RGS22: variants seen among roughly 807,000 people sequenced by gnomAD.
The protein encoded by RGS22 is regulator of G protein signaling 22, also known as regulator of G-protein signaling 22.
In RGS22, 148 loss-of-function variants were observed where a neutral mutation model predicts 172.9. That is an observed-to-expected ratio of 0.86 (90% CI 0.75 to 0.98). The LOEUF is 0.98. Among genes scored for constraint, RGS22 ranks in the 50% least tolerant of loss-of-function variants. The pLI is 0.00. For missense variants in RGS22, 1,347 were observed against 1,440.8 expected (o/e 0.93, Z 1.05); for synonymous variants, 458 against 480.2 (o/e 0.95, Z 0.60).
intron 14 of RGS22, among the ~76,000 whole-genome samples, chr8:100,032,495 A>T (rs1220696505): frequency 4.6e-5 from 7 of 152,182 alleles, no homozygotes; most frequent in Non-Finnish European, 1.0e-4. Context: ...CACCCAATAC[A>T]GGAGCACCCA....
At chr8:100,018,847 C>A (rs1249833202) in intron 14 of RGS22, among the ~76,000 whole-genome samples, 2 of 152,180 alleles carry the variant, frequency 1.3e-5, no homozygotes, top group African/African-American at 4.8e-5. Flanking sequence ...ATCCCCATCT[C>A]CTTTCAAATG....
intron 22 of RGS22, among the ~76,000 whole-genome samples, chr8:99,979,633 G>C (rs1345037111): frequency 6.6e-6 from 1 of 152,136 alleles, no homozygotes; most frequent in Non-Finnish European, 1.5e-5. Context: ...CTGATACAAT[G>C]CTAAAACTGT....
intron 10 of RGS22, among the ~76,000 whole-genome samples, chr8:100,049,862 C>T (rs1453303320): frequency 6.6e-6 from 1 of 151,988 alleles, no homozygotes; most frequent in Non-Finnish European, 1.5e-5. Context: ...GCCTGGCCAA[C>T]ATGGTGAAAT....
At chr8:100,012,666 T>A (rs1403361189) in intron 14 of RGS22, among the ~76,000 whole-genome samples, 1 of 152,080 alleles carries the variant, frequency 6.6e-6, no homozygotes, top group Admixed American at 6.6e-5. Context: ...ACTAAAATAA[T>A]GTCTTAGGTA....
intron 9 of RGS22, among the ~76,000 whole-genome samples, chr8:100,055,834 T>C (rs1366072323): frequency 6.6e-6 from 1 of 152,230 alleles, no homozygotes; most frequent in Non-Finnish European, 1.5e-5. Flanking sequence ...CTTTGCTTTA[T>C]ATATTACCCA....
intron 23 of RGS22, among the ~76,000 whole-genome samples, chr8:99,977,270 A>ATTTCTTTTTTTTTTTTTT (rs1428079850): frequency 1.7e-5 from 2 of 120,388 alleles, no homozygotes; most frequent in Non-Finnish European, 3.4e-5. Flanking sequence ...CGCCCGGTTA[A>ATTTCTTTTTTTTTTTTTT]TTTTTTTTTT....
intron 2 of RGS22, among the ~76,000 whole-genome samples, chr8:100,103,343 T>C (rs1382292026): frequency 8.5e-5 from 13 of 152,092 alleles, no homozygotes; most frequent in African/African-American, 3.1e-4. Context: ...ACAGTAGTTG[T>C]GTGGATGGAG....
intron 20 of RGS22, among the ~76,000 whole-genome samples, chr8:99,989,898 A>AGATAGATG (rs1813521585): frequency 6.6e-6 from 1 of 151,288 alleles, no homozygotes; most frequent in African/African-American, 2.4e-5. Flanking sequence ...ATAGATAGAT[A>AGATAGATG]GATAGATATA....
rs557842189 is a variant in RGS22, at chr8:100,053,106, C to T, written c.1515-130G>A. On this transcript the variant is annotated intron_variant, in intron 9 of 27. Coordinates refer to ENST00000360863, the MANE Select transcript of RGS22 (RefSeq NM_015668.5). ...CATACCTCTTTTCTAACAACTTTTA[C>T]TTCTTTCTCTACTACATAGCCTTGA... 2.4e-4 allele frequency: 191 copies of T among 793,794 alleles called. No homozygotes were observed. In the African/African-American group the frequency reaches 3.1e-3, roughly 13 times the overall value. 49.2% of individuals were successfully genotyped at this position (793,794 alleles called of 1,614,324 possible). A position where few individuals can be genotyped will look rare whatever the true frequency, so the allele number is the denominator to read the frequency against.
At chr8:100,097,456 G>A (rs1813064517) in intron 2 of RGS22, among the ~76,000 whole-genome samples, 1 of 152,220 alleles carries the variant, frequency 6.6e-6, no homozygotes, top group Non-Finnish European at 1.5e-5. Flanking sequence ...GATGGATGAT[G>A]AGATAGGACA....
chr8:100,037,269 G>A (rs1819607332), intron 14 of RGS22, among the ~76,000 whole-genome samples: 1 of 152,146 alleles, frequency 6.6e-6, no homozygotes, highest in African/African-American at 2.4e-5. Context: ...ACTCCAGCCT[G>A]CGTGACAGGG....
intron 23 of RGS22, among the ~76,000 whole-genome samples, chr8:99,977,265 G>C (rs369340436): frequency 1.3e-5 from 2 of 148,202 alleles, no homozygotes; most frequent in African/African-American, 5.0e-5. Context: ...TGCCACGCCC[G>C]GTTAATTTTT....
At chr8:99,962,544 A>G in intron 26 of RGS22, 101 bp from the exon 27 acceptor site, 1 of 1,451,254 alleles carries the variant, frequency 6.9e-7, no homozygotes, top group Non-Finnish European at 9.6e-7. Flanking sequence ...ACACGGAGAA[A>G]TTCTCCTAAG....
At chr8:100,029,824 A>G (rs915761814) in intron 14 of RGS22, among the ~76,000 whole-genome samples, 1 of 152,148 alleles carries the variant, frequency 6.6e-6, no homozygotes, top group Non-Finnish European at 1.5e-5. Flanking sequence ...TTTTTAAAAG[A>G]AATTTTAAAA....
At position 100,062,739 on chromosome 8, in the gene RGS22, T is replaced by A; in HGVS notation, c.1366A>T (p.Met456Leu). The change falls in exon 9 of 28, where the codon ATG (methionine) becomes TTG (leucine). Residue 456 changes from methionine (M) to leucine (L), a missense_variant. Physicochemically the swap from Met to Leu is conservative, Grantham distance 15. Transcript: ENST00000360863. Reference protein sequence around the residue: ...PGRHQRHLEKMKKCYLVSNGD... With the variant: ...PGRHQRHLEKLKKCYLVSNGD... ...TTGCTCACTAGATAGCATTTTTTCA[T>A]CTTCTCAAGATGTCTGAAATAAAAC... is the stretch of plus-strand genomic sequence containing the variant. 3 of 1,599,098 alleles carry A rather than the reference T, an allele frequency of 1.9e-6. No homozygotes were observed. The South Asian group carries it at 3.4e-5, about 18-fold the overall frequency.
At chr8:100,036,521 C>A (rs1819493356) in intron 14 of RGS22, among the ~76,000 whole-genome samples, 1 of 152,144 alleles carries the variant, frequency 6.6e-6, no homozygotes, top group South Asian at 2.1e-4. Flanking sequence ...TCATGTAAGT[C>A]TCTTGAAATC....
At chr8:100,005,965 T>C (rs1815651697) in intron 16 of RGS22, 52 bp downstream of exon 16, 2 of 1,369,732 alleles carry the variant, frequency 1.5e-6, no homozygotes, top group Non-Finnish European at 1.0e-6. Flanking sequence ...CATAAAGTGG[T>C]AACCCTCTCC....
At chr8:100,010,303 T>G (rs2131378413) in intron 14 of RGS22, among the ~76,000 whole-genome samples, 1 of 152,090 alleles carries the variant, frequency 6.6e-6, no homozygotes, top group South Asian at 2.1e-4. Flanking sequence ...CTGGCCAACA[T>G]GGTGAAACCC....
At chr8:100,019,366 G>A (rs1817356383) in intron 14 of RGS22, among the ~76,000 whole-genome samples, 1 of 152,198 alleles carries the variant, frequency 6.6e-6, no homozygotes, top group Non-Finnish European at 1.5e-5. Context: ...TCGTTTTGAT[G>A]TATTTATTTT....
Sources: gnomAD v4.1 joint callset for allele counts (sites outside exome capture counted in the v4.1 genomes callset) on GRCh38, gnomAD v4.1.1 for gene constraint, MANE v1.5 for transcripts, NCBI Gene and HGNC (gene_info 2026-07-23, HGNC 2026-07-21) for gene names.